UBAP2: variants seen among roughly 807,000 people sequenced by gnomAD.
UBAP2 encodes ubiquitin associated protein 2, also known as ubiquitin-associated protein 2.
A neutral mutation model predicts 139.6 loss-of-function variants in UBAP2; 75 were observed. The observed-to-expected ratio is 0.54, with a 90% CI of 0.45 to 0.65. The LOEUF is 0.65. Ranked by LOEUF, UBAP2 falls within the 30% of genes least tolerant of loss-of-function variation. The pLI is 0.00. For missense variants in UBAP2, 1,368 were observed against 1,369.6 expected (o/e 1.00, Z 0.02); for synonymous variants, 526 against 526.2 (o/e 1.00, Z 0.01).
At position 33,998,879 on chromosome 9, in the gene UBAP2, CAATT is replaced by C. The variant is rs767952679; in HGVS notation, c.100-19_100-16del. On this transcript the variant is annotated splice_polypyrimidine_tract_variant and intron_variant, in intron 2 of 28. Transcript: ENST00000379238. Reference sequence around the variant, plus strand: ...TCAGCTGTTGCCTGGAAAGTACATACAATTGTTAAGGATTTGAACACCAAAAGCA... The same window carrying C: ...TCAGCTGTTGCCTGGAAAGTACATACGTTAAGGATTTGAACACCAAAAGCA... The C allele has an allele frequency of 5.6e-6, 9 of 1,605,518 alleles. No homozygotes were observed. The highest frequency in any genetic ancestry group is 7.6e-6 in the Non-Finnish European group (9 of 1,177,904).
In UBAP2 at chr9:33,927,867, G is replaced by A; in HGVS notation, c.2301C>T (p.Ser767=). The change falls in exon 20 of 29, where the codon AGC becomes AGT. Residue 767 remains serine, a synonymous_variant. Transcript: ENST00000379238. The stretch of plus-strand genomic sequence containing the variant: ...TCGCGGGGGTCCCACCCAGACAGAG[G>A]CTGTTCGCGGTGTTCATGCTACTGG... ...SLSSSMNTAN[S]LCLGGTPASA... is the part of the protein sequence containing the mutation. 6.2e-7 allele frequency: 1 copy of A among 1,614,202 alleles called. No individual in the cohort carries two copies.
chr9:33,986,153 A>G (rs560569944), intron 6 of UBAP2, among the ~76,000 whole-genome samples: 4 of 152,098 alleles, frequency 2.6e-5, no homozygotes, highest in Admixed American at 2.6e-4. Context: ...CTTGGGTCCA[A>G]GCAATTCTCC....
chr9:34,044,396 G>C (rs1047857066), intron 1 of UBAP2, among the ~76,000 whole-genome samples: 2 of 148,326 alleles, frequency 1.3e-5, no homozygotes, highest in African/African-American at 5.0e-5. Flanking sequence ...GCAAGACTCT[G>C]TCTCGAAAAA....
chr9:34,037,845 C>T (rs915316069), intron 1 of UBAP2, among the ~76,000 whole-genome samples: 1 of 151,756 alleles, frequency 6.6e-6, no homozygotes, highest in East Asian at 1.9e-4. Context: ...ACAGAAACCC[C>T]GACTGGATGG....
chr9:34,044,122 G>A (rs1212976508), intron 1 of UBAP2, among the ~76,000 whole-genome samples: 2 of 149,892 alleles, frequency 1.3e-5, no homozygotes, highest in Non-Finnish European at 3.0e-5. Flanking sequence ...AATTAGCCGG[G>A]CGCGGTGACT....
chr9:33,924,176 G>A, intron 23 of UBAP2, 30 bp downstream of exon 23: 2 of 1,612,362 alleles, frequency 1.2e-6, no homozygotes. Flanking sequence ...GCCGGCCCCG[G>A]GCTACTCCTC....
At chr9:34,034,910 C>CTGTT (rs1247845476) in intron 1 of UBAP2, among the ~76,000 whole-genome samples, 2 of 151,836 alleles carry the variant, frequency 1.3e-5, no homozygotes, top group African/African-American at 4.8e-5. Context: ...AATCGCTCAA[C>CTGTT]TGTTCTCTAC....
chr9:33,953,153 G>C, intron 12 of UBAP2, 132 bp downstream of exon 12: 1 of 861,754 alleles, frequency 1.2e-6, no homozygotes, highest in Non-Finnish European at 1.7e-6. Context: ...ACAGGCATGA[G>C]CCATCATGCC....
rs557615410 is a variant in UBAP2 at position 33,978,547 on chromosome 9, C to T, written c.521-5310G>A. On this transcript the variant is annotated intron_variant, in intron 6 of 28. Coordinates refer to ENST00000379238, the MANE Select transcript of UBAP2 (RefSeq NM_001370062.2). ...TAGCACTTTACGAGGCCAAGGCAGG[C>T]GGATCACGAGATCAGGAGATCAGGA... 5.3e-5 allele frequency among the ~76,000 whole-genome samples: 8 copies of T among 152,086 alleles called. No individual in the cohort carries two copies. The East Asian group carries it at 1.5e-3, about 29-fold the overall frequency.
chr9:34,039,257 G>A (rs1425541671), intron 1 of UBAP2, among the ~76,000 whole-genome samples: 3 of 143,118 alleles, frequency 2.1e-5, no homozygotes, highest in South Asian at 2.3e-4. Context: ...CCTGGCCGCC[G>A]CCCCGTCCGA....
chr9:34,017,805 T>C (rs557295399), intron 1 of UBAP2, among the ~76,000 whole-genome samples: 67 of 152,026 alleles, frequency 4.4e-4, no homozygotes, highest in African/African-American at 1.6e-3. Context: ...CAGGCATCTG[T>C]AGTCCCAGCT....
intron 4 of UBAP2, among the ~76,000 whole-genome samples, chr9:33,991,005 C>A (rs1821663920): frequency 6.6e-6 from 1 of 152,140 alleles, no homozygotes; most frequent in Admixed American, 6.5e-5. Flanking sequence ...AACAACGTGG[C>A]CGAGCACACT....
intron 1 of UBAP2, among the ~76,000 whole-genome samples, chr9:34,036,378 A>G (rs1442864991): frequency 2.0e-5 from 3 of 152,184 alleles, no homozygotes; most frequent in African/African-American, 7.2e-5. Context: ...CGGCCTCCCA[A>G]AGTGCTGGGA....
chr9:34,032,536 C>A (rs1347096548), intron 1 of UBAP2, among the ~76,000 whole-genome samples: 1 of 152,158 alleles, frequency 6.6e-6, no homozygotes, highest in Non-Finnish European at 1.5e-5. Flanking sequence ...TATAGGCTAA[C>A]CTACCTCAGC....
chr9:33,992,894 T>G (rs916437457), intron 4 of UBAP2, among the ~76,000 whole-genome samples: 2 of 151,920 alleles, frequency 1.3e-5, no homozygotes, highest in African/African-American at 4.8e-5. Context: ...AGAGGAGAGG[T>G]CCTCCCAGCC....
chr9:33,995,539 T>A (rs1055486891), intron 4 of UBAP2: 40 of 134,694 alleles, frequency 3.0e-4, no homozygotes, highest in African/African-American at 5.3e-4. Context: ...ATTTATATTA[T>A]TAAATATATT....
intron 19 of UBAP2, among the ~76,000 whole-genome samples, chr9:33,932,111 A>T (rs564558864): frequency 1.3e-5 from 2 of 152,268 alleles, no homozygotes; most frequent in African/African-American, 2.4e-5. Flanking sequence ...TTGGCATATG[A>T]GGAAAATTAA....
chr9:33,990,613 G>T (rs528991331), intron 4 of UBAP2, among the ~76,000 whole-genome samples: 138 of 148,630 alleles, frequency 9.3e-4, no homozygotes, highest in African/African-American at 3.3e-3. Context: ...TTTCTAGAAG[G>T]TTACTTAGAA....
intron 15 of UBAP2, among the ~76,000 whole-genome samples, chr9:33,942,299 A>G (rs1233768053): frequency 1.3e-5 from 2 of 152,096 alleles, no homozygotes; most frequent in Non-Finnish European, 2.9e-5. Flanking sequence ...CGACAGAGCA[A>G]GACTCTGTCT....
Sources: allele counts gnomAD v4.1 joint callset (sites outside exome capture counted in the v4.1 genomes callset), GRCh38; gene constraint gnomAD v4.1.1; transcripts MANE v1.5; gene names NCBI Gene and HGNC (gene_info 2026-07-23, HGNC 2026-07-21).